Variants in CDH5 observed in about 807,000 individuals in gnomAD.
CDH5 encodes cadherin 5.
A neutral mutation model predicts 62.0 loss-of-function variants in CDH5; 28 were observed. The observed-to-expected ratio is 0.45, with a 90% CI of 0.33 to 0.62. The LOEUF (loss-of-function observed/expected upper bound fraction) is 0.62. Among genes scored for constraint, CDH5 ranks in the 20% least tolerant of loss-of-function variants. The pLI, the probability that CDH5 is intolerant of heterozygous loss-of-function variation, is 0.02. For synonymous variants in CDH5, 464 were observed against 445.8 expected (o/e 1.04, Z -0.52); for missense variants, 940 against 1,065.1 (o/e 0.88, Z 1.63).
intron 11 of CDH5, among the ~76,000 whole-genome samples, chr16:66,401,600 G>A (rs1022786460): frequency 1.3e-5 from 2 of 152,136 alleles, no homozygotes; most frequent in African/African-American, 4.8e-5. Context: ...GGGTGGAAGT[G>A]GTTTATTTGG....
intron 2 of CDH5, among the ~76,000 whole-genome samples, chr16:66,380,436 G>C (rs531640475): frequency 1.8e-4 from 26 of 146,514 alleles, no homozygotes; most frequent in African/African-American, 6.8e-4. Context: ...TCGTTGTGAT[G>C]ATGGTGATGA....
intron 5 of CDH5, 113 bp downstream of exon 5, chr16:66,389,635 G>T: frequency 1.1e-6 from 1 of 939,228 alleles, no homozygotes; most frequent in South Asian, 2.2e-5. Flanking sequence ...CTATCCCAGG[G>T]TAGGCCTGAT....
At chr16:66,400,429 T>A (rs1961259877) in intron 10 of CDH5, among the ~76,000 whole-genome samples, 2 of 152,194 alleles carry the variant, frequency 1.3e-5, no homozygotes, top group Non-Finnish European at 1.5e-5. Flanking sequence ...GAGCATTAAT[T>A]AATTGAGCTG....
intron 1 of CDH5, among the ~76,000 whole-genome samples, chr16:66,371,780 C>A (rs1262974593): frequency 1.3e-5 from 2 of 152,108 alleles, no homozygotes; most frequent in South Asian, 2.1e-4. Context: ...TGCTCAGGGG[C>A]AGGACCAGCC....
chr16:66,387,231 A>G, intron 3 of CDH5, 134 bp downstream of exon 3: 1 of 794,682 alleles, frequency 1.3e-6, no homozygotes, highest in South Asian at 1.8e-5. Context: ...CTGTGTTGCC[A>G]CTTTACATGA....
intron 6 of CDH5, 128 bp downstream of exon 6, chr16:66,390,718 T>G (rs1961069578): frequency 3.6e-6 from 3 of 825,252 alleles, no homozygotes; most frequent in South Asian, 3.4e-5. Context: ...GGTGGTCATG[T>G]GTTCATGGAG....
intron 7 of CDH5, among the ~76,000 whole-genome samples, chr16:66,395,235 A>G (rs1366625352): frequency 6.6e-6 from 1 of 150,938 alleles, no homozygotes; most frequent in Non-Finnish European, 1.5e-5. Flanking sequence ...TCCTCAGATT[A>G]TAAACACTTC....
chr16:66,393,690 G>A (rs911925025), intron 7 of CDH5, among the ~76,000 whole-genome samples: 1 of 152,162 alleles, frequency 6.6e-6, no homozygotes, highest in African/African-American at 2.4e-5. Context: ...CTAGATCTTA[G>A]ATATACATAA....
chr16:66,393,656 A>G (rs951036582), intron 7 of CDH5, among the ~76,000 whole-genome samples: 1 of 152,234 alleles, frequency 6.6e-6, no homozygotes, highest in African/African-American at 2.4e-5. Flanking sequence ...GTGGGGACAC[A>G]GATCCAAACC....
intron 2 of CDH5, among the ~76,000 whole-genome samples, chr16:66,385,611 C>T (rs1264767572): frequency 1.3e-5 from 2 of 152,116 alleles, no homozygotes; most frequent in African/African-American, 4.8e-5. Flanking sequence ...ATATTCTCAC[C>T]ATGTCTCATT....
chr16:66,384,049 C>T (rs1415864071), intron 2 of CDH5, among the ~76,000 whole-genome samples: 1 of 150,038 alleles, frequency 6.7e-6, no homozygotes, highest in Non-Finnish European at 1.5e-5. Flanking sequence ...AGACCCCAGC[C>T]TCTCTTGAGT....
At chr16:66,367,294 C>T (rs1245879084) in intron 1 of CDH5, among the ~76,000 whole-genome samples, 1 of 152,180 alleles carries the variant, frequency 6.6e-6, no homozygotes, top group African/African-American at 2.4e-5. Context: ...GCCAGTGCCC[C>T]CATTTCAGGA....
chr16:66,374,174 A>G (rs766564018), intron 1 of CDH5, among the ~76,000 whole-genome samples: 3 of 152,246 alleles, frequency 2.0e-5, no homozygotes, highest in Non-Finnish European at 4.4e-5. Context: ...TTTAAATAAA[A>G]TAACGTGTGC....
At chr16:66,388,170 T>A (rs1596938404) in intron 3 of CDH5, among the ~76,000 whole-genome samples, 154 bp from the exon 4 acceptor site, 1 of 151,876 alleles carries the variant, frequency 6.6e-6, no homozygotes, top group East Asian at 1.9e-4. Flanking sequence ...TTTGCCCCCA[T>A]GCAGGCTCCT....
intron 2 of CDH5, among the ~76,000 whole-genome samples, chr16:66,381,340 T>C (rs1316368078): frequency 6.6e-6 from 1 of 152,314 alleles, no homozygotes; most frequent in South Asian, 2.1e-4. Flanking sequence ...ATGTCTATCC[T>C]AAGCCCATCC....
At chr16:66,368,197 T>C (rs1567458198) in intron 1 of CDH5, among the ~76,000 whole-genome samples, 2 of 152,124 alleles carry the variant, frequency 1.3e-5, no homozygotes, top group Admixed American at 1.3e-4. Context: ...AGGGTGTACC[T>C]GGAAGGCTCT....
At chr16:66,379,298 A>G in intron 1 of CDH5, 21 bp from the exon 2 acceptor site, 1 of 1,549,078 alleles carries the variant, frequency 6.5e-7, no homozygotes, top group Non-Finnish European at 8.8e-7. Context: ...CAGAGTCTGA[A>G]TGTGTCTCCT....
chr16:66,372,819 C>T (rs759412126), intron 1 of CDH5, among the ~76,000 whole-genome samples: 3 of 152,304 alleles, frequency 2.0e-5, no homozygotes, highest in Non-Finnish European at 2.9e-5. Context: ...CCAGGGGATT[C>T]GGGCCACTCA....
chr16:66,389,330 A>G (rs200843377), intron 4 of CDH5, 28 bp from the exon 5 acceptor site: 3 of 1,595,488 alleles, frequency 1.9e-6, no homozygotes, highest in African/African-American at 2.7e-5. Context: ...AGCTGGTAAC[A>G]TGGTTCCTGC....
Sources: gnomAD v4.1 joint callset for allele counts (sites outside exome capture counted in the v4.1 genomes callset) on GRCh38, gnomAD v4.1.1 for gene constraint, MANE v1.5 for transcripts, NCBI Gene and HGNC (gene_info 2026-07-23, HGNC 2026-07-21) for gene names.